DGLUCY: variants seen among roughly 807,000 people sequenced by gnomAD.
DGLUCY encodes D-glutamate cyclase, mitochondrial.
A neutral mutation model predicts 58.5 loss-of-function variants in DGLUCY; 58 were observed. The ratio of observed to expected loss-of-function variants is 0.99; its 90% CI spans 0.80 to 1.23. The LOEUF (loss-of-function observed/expected upper bound fraction) is 1.23, where lower values mean the gene tolerates loss of function less well. Among genes scored for constraint, DGLUCY ranks in the 50% most tolerant of loss-of-function variants. DGLUCY has a pLI of 0.00. For missense variants in DGLUCY, 779 were observed against 784.7 expected (o/e 0.99, Z 0.09); for synonymous variants, 325 against 314.1 (o/e 1.03, Z -0.37).
At position 91,189,183 on chromosome 14, in the gene DGLUCY, A is replaced by G; in HGVS notation, c.1195+13A>G. 1 of 1,613,644 alleles carries G rather than the reference A, an allele frequency of 6.2e-7. No homozygotes were observed. Among genetic ancestry groups the G allele is most frequent in the Non-Finnish European group, 8.5e-7 (1 of 1,179,636 alleles). ...GCTGTTGAGCAAGGTAAGCAGTGAGATGGGCTTGGTCCATTTCCCCAAACG... is the reference window on the plus strand; with the variant it reads ...GCTGTTGAGCAAGGTAAGCAGTGAGGTGGGCTTGGTCCATTTCCCCAAACG... On this transcript the variant is annotated intron_variant, in intron 9 of 13. Coordinates refer to ENST00000256324, the MANE Select transcript of DGLUCY (RefSeq NM_001102368.3).
intron 1 of DGLUCY, among the ~76,000 whole-genome samples, chr14:91,133,460 A>G (rs1250893325): frequency 1.3e-5 from 2 of 152,208 alleles, no homozygotes; most frequent in Admixed American, 6.5e-5. Context: ...TGGTATACAA[A>G]TATCTGTTCG....
intron 5 of DGLUCY, among the ~76,000 whole-genome samples, chr14:91,172,305 C>G (rs114759883): frequency 0.012 from 1,777 of 152,276 alleles, 43 homozygotes; most frequent in African/African-American, 0.041. Flanking sequence ...TCTTGAACTT[C>G]TGGGCTCAAG....
At chr14:91,107,717 G>C (rs957632413), upstream of DGLUCY, among the ~76,000 whole-genome samples, 1 of 152,068 alleles carries the variant, frequency 6.6e-6, no homozygotes, top group Non-Finnish European at 1.5e-5. Context: ...AGATTCCAGA[G>C]CAGGGAGATG....
chr14:91,071,142 CA>C (rs1261940323), intron 1 of DGLUCY, among the ~76,000 whole-genome samples: 1 of 151,300 alleles, frequency 6.6e-6, no homozygotes, highest in Non-Finnish European at 1.5e-5. Context: ...ACCATCCTGG[CA>C]AACACGGTGA....
At chr14:91,064,225 G>A (rs2140014404) in intron 1 of DGLUCY, among the ~76,000 whole-genome samples, 1 of 152,270 alleles carries the variant, frequency 6.6e-6, no homozygotes, top group Middle Eastern at 3.4e-3. Context: ...AAATTAAGTA[G>A]CTATGTGGAT....
exon 1 of DGLUCY, chr14:91,060,697 C>T: frequency 5.6e-6 from 2 of 359,964 alleles, no homozygotes; most frequent in Non-Finnish European, 4.9e-6. Context: ...CCGCCCACAG[C>T]CAGCAAGGTA....
rs186583591 is a variant in DGLUCY, at chr14:91,198,331, A to G, written c.1296-1426A>G. Among the ~76,000 whole-genome samples, 176 of 147,100 alleles carry G rather than the reference A, an allele frequency of 1.2e-3. 1 individual carries two copies. The highest frequency in any genetic ancestry group is 7.3e-3 in the Middle Eastern group (2 of 274). ...AGTGCTGAGATTGCAGACATGAGCC[A>G]CTGTGCCCAGCCTTTTTTTTTTTTC... On this transcript the variant is annotated intron_variant, in intron 10 of 13. Coordinates refer to ENST00000256324, the MANE Select transcript of DGLUCY (RefSeq NM_001102368.3).
chr14:91,100,073 A>AAAG (rs1555390874), intron 1 of DGLUCY, among the ~76,000 whole-genome samples: 1,244 of 120,832 alleles, frequency 0.01, 144 homozygotes, highest in Middle Eastern at 0.021. Context: ...AAAAAAAAAA[A>AAAG]AAGAAGAAGA....
chr14:91,196,504 C>T (rs777989710), intron 10 of DGLUCY, 30 bp downstream of exon 10: 26 of 1,578,676 alleles, frequency 1.6e-5, no homozygotes, highest in Admixed American at 8.4e-5. Context: ...GTTTAAGTGG[C>T]GGATGGTGGA....
intron 12 of DGLUCY, among the ~76,000 whole-genome samples, chr14:91,212,429 C>A (rs1036920807): frequency 3.9e-5 from 6 of 152,206 alleles, no homozygotes; most frequent in Admixed American, 3.3e-4. Flanking sequence ...ATAGTACTTA[C>A]ACCTCACAAG....
At chr14:91,175,269 A>G (rs1261065115) in intron 6 of DGLUCY, among the ~76,000 whole-genome samples, 1 of 152,128 alleles carries the variant, frequency 6.6e-6, no homozygotes, top group East Asian at 1.9e-4. Flanking sequence ...AAGAGCCAAT[A>G]TCAAGAAGCT....
chr14:91,069,058 T>C (rs1049566988), intron 1 of DGLUCY, among the ~76,000 whole-genome samples: 2 of 152,228 alleles, frequency 1.3e-5, no homozygotes, highest in Non-Finnish European at 2.9e-5. Context: ...TTATATTAAA[T>C]AACCTAATGA....
chr14:91,138,386 G>A (rs1009087149), intron 1 of DGLUCY, among the ~76,000 whole-genome samples: 1 of 152,180 alleles, frequency 6.6e-6, no homozygotes. Flanking sequence ...AGCTACTCAG[G>A]AAGCTGAAGC....
upstream of DGLUCY, among the ~76,000 whole-genome samples, chr14:91,112,997 A>T (rs1317213859): frequency 2.1e-3 from 3 of 1,402 alleles, no homozygotes; most frequent in African/African-American, 5.4e-3. Flanking sequence ...GACTACATCT[A>T]AAAAAAAAAA....
intron 1 of DGLUCY, among the ~76,000 whole-genome samples, chr14:91,123,596 A>T (rs1428134339): frequency 6.6e-6 from 1 of 151,994 alleles, no homozygotes; most frequent in African/African-American, 2.4e-5. Context: ...GTTTCTGATT[A>T]TTTTTTTCAA....
At position 91,092,459 on chromosome 14, in the gene DGLUCY, A is replaced by C. The variant is rs560201337; in HGVS notation, c.-82+31755A>C. Among the ~76,000 whole-genome samples, 260 of 152,360 alleles carry C rather than the reference A, an allele frequency of 1.7e-3. 1 individual carries two copies. Among genetic ancestry groups the C allele is most frequent in the Non-Finnish European group, 2.7e-3 (185 of 68,036 alleles). ...CAAATATGAAGATCTCCCTATGAGA[A>C]AAGTGGCATCTTGAGTATTGGTTAG... On this transcript the variant is annotated intron_variant, in intron 1 of 4. Coordinates refer to the DGLUCY transcript ENST00000521334.
At chr14:91,173,590 G>A (rs946875622) in intron 6 of DGLUCY, 151 bp downstream of exon 6, 1 of 1,142,054 alleles carries the variant, frequency 8.8e-7, no homozygotes, top group African/African-American at 1.6e-5. Flanking sequence ...AGCCTCTCTT[G>A]GAGTTGGGCC....
intron 1 of DGLUCY, among the ~76,000 whole-genome samples, chr14:91,095,722 G>A (rs2044383296): frequency 1.3e-5 from 2 of 152,154 alleles, no homozygotes; most frequent in Admixed American, 1.3e-4. Context: ...CAAATGGGGG[G>A]AGAAAAATGG....
chr14:91,075,001 G>T (rs553131536), intron 1 of DGLUCY, among the ~76,000 whole-genome samples: 1 of 152,004 alleles, frequency 6.6e-6, no homozygotes, highest in Non-Finnish European at 1.5e-5. Flanking sequence ...GAACCCAGGA[G>T]GTGGAAGTTG....
Sources: gnomAD v4.1 joint callset for allele counts (sites outside exome capture counted in the v4.1 genomes callset) on GRCh38, gnomAD v4.1.1 for gene constraint, MANE v1.5 for transcripts, NCBI Gene and HGNC (gene_info 2026-07-23, HGNC 2026-07-21) for gene names.